GPC5: variants seen among roughly 807,000 people sequenced by gnomAD.
GPC5 encodes glypican-5.
A neutral mutation model predicts 53.9 loss-of-function variants in GPC5; 47 were observed. The ratio of observed to expected loss-of-function variants is 0.87; its 90% CI spans 0.69 to 1.11. The LOEUF is 1.11. Ranked by LOEUF, GPC5 falls within the 50% of genes most tolerant of loss-of-function variation. The pLI is 0.00. For synonymous variants in GPC5, 286 were observed against 263.3 expected (o/e 1.09, Z -0.84); for missense variants, 748 against 713.1 (o/e 1.05, Z -0.56).
chr13:91,750,262 C>T (rs2037142282), intron 4 of GPC5, among the ~76,000 whole-genome samples: 2 of 152,138 alleles, frequency 1.3e-5, no homozygotes, highest in Admixed American at 1.3e-4. Flanking sequence ...AGATGAGCAA[C>T]ATTTTTCTAT....
chr13:91,573,215 A>G (rs78344489), intron 2 of GPC5, among the ~76,000 whole-genome samples: 10,148 of 152,246 alleles, frequency 0.067, 379 homozygotes, highest in Non-Finnish European at 0.085. Flanking sequence ...TCATCTGGCA[A>G]TCATGAAGTA....
At chr13:91,533,010 TAA>T (rs376316927) in intron 2 of GPC5, among the ~76,000 whole-genome samples, 59 of 152,348 alleles carry the variant, frequency 3.9e-4, no homozygotes, top group African/African-American at 1.4e-3. Context: ...AAAGGATGTA[TAA>T]GTGTGTGGAT....
chr13:91,525,869 C>A (rs1240778632), intron 2 of GPC5, among the ~76,000 whole-genome samples: 2 of 152,186 alleles, frequency 1.3e-5, no homozygotes, highest in South Asian at 2.1e-4. Context: ...GTATAGTTTA[C>A]AATTTTATTA....
intron 6 of GPC5, among the ~76,000 whole-genome samples, chr13:91,972,756 G>T (rs1372056616): frequency 2.6e-5 from 4 of 152,206 alleles, no homozygotes; most frequent in East Asian, 1.9e-4. Flanking sequence ...GAAATTCTGG[G>T]TTGAAAATTC....
At chr13:92,821,747 A>G (rs1051267939) in intron 7 of GPC5, among the ~76,000 whole-genome samples, 1 of 152,162 alleles carries the variant, frequency 6.6e-6, no homozygotes, top group South Asian at 2.1e-4. Flanking sequence ...TTAAATAAAG[A>G]GTTCTATATA....
At chr13:92,260,850 G>C (rs1429957164) in intron 7 of GPC5, among the ~76,000 whole-genome samples, 1 of 152,080 alleles carries the variant, frequency 6.6e-6, no homozygotes, top group African/African-American at 2.4e-5. Context: ...GTTTTCTCTT[G>C]ACTTTAGATG....
At chr13:92,332,409 C>T (rs754935987) in intron 7 of GPC5, among the ~76,000 whole-genome samples, 173 of 152,204 alleles carry the variant, frequency 1.1e-3, no homozygotes, top group Non-Finnish European at 2.2e-3. Context: ...ATGTTAATTG[C>T]ATGGGATTTA....
At chr13:92,031,600 T>C (rs941680386) in intron 6 of GPC5, among the ~76,000 whole-genome samples, 3 of 143,742 alleles carry the variant, frequency 2.1e-5, no homozygotes, top group African/African-American at 7.7e-5. Flanking sequence ...TAAGGAACAA[T>C]TTGCAATTGC....
At chr13:91,524,893 T>C (rs1452643317) in intron 2 of GPC5, among the ~76,000 whole-genome samples, 1 of 152,230 alleles carries the variant, frequency 6.6e-6, no homozygotes, top group Non-Finnish European at 1.5e-5. Context: ...TGAAATTACA[T>C]GCAAGGCTAC....
intron 6 of GPC5, among the ~76,000 whole-genome samples, chr13:91,943,881 G>GA (rs879843330): frequency 3.3e-5 from 5 of 150,268 alleles, no homozygotes; most frequent in Admixed American, 6.6e-5. Context: ...TTTTTTTTAA[G>GA]AAAAAAAAGA....
chr13:91,866,702 C>T (rs1037360695), intron 5 of GPC5, among the ~76,000 whole-genome samples: 3 of 152,158 alleles, frequency 2.0e-5, no homozygotes, highest in African/African-American at 7.2e-5. Context: ...CCAGGTATTC[C>T]TTTATAGCAA....
At chr13:92,789,921 G>A (rs187087599) in intron 7 of GPC5, among the ~76,000 whole-genome samples, 1 of 152,254 alleles carries the variant, frequency 6.6e-6, no homozygotes, top group Non-Finnish European at 1.5e-5. Context: ...GCAGCCTTCA[G>A]TCTATGGCCA....
intron 6 of GPC5, among the ~76,000 whole-genome samples, chr13:92,015,379 G>A (rs1304943288): frequency 6.6e-6 from 1 of 152,106 alleles, no homozygotes; most frequent in Non-Finnish European, 1.5e-5. Flanking sequence ...ACACATTTTA[G>A]AGGACCATTT....
intron 7 of GPC5, among the ~76,000 whole-genome samples, chr13:92,290,611 C>G (rs140699386): frequency 0.025 from 3,855 of 152,322 alleles, 74 homozygotes; most frequent in Non-Finnish European, 0.039. Context: ...TGAGTTACTT[C>G]ACTTAGAATG....
intron 2 of GPC5, among the ~76,000 whole-genome samples, chr13:91,570,281 A>G (rs923684047): frequency 1.2e-4 from 18 of 152,198 alleles, no homozygotes; most frequent in Non-Finnish European, 2.1e-4. Flanking sequence ...CAGGTTGAAC[A>G]TCCCAGATCC....
intron 7 of GPC5, among the ~76,000 whole-genome samples, chr13:92,853,117 A>G (rs1878870583): frequency 6.6e-6 from 1 of 152,076 alleles, no homozygotes; most frequent in Non-Finnish European, 1.5e-5. Flanking sequence ...AAAAATGGTT[A>G]AATCTACAAG....
chr13:92,233,444 A>G (rs1022351127), intron 7 of GPC5, among the ~76,000 whole-genome samples: 2 of 152,200 alleles, frequency 1.3e-5, no homozygotes, highest in Non-Finnish European at 2.9e-5. Context: ...AAATCTGGAT[A>G]ATATTTTAAA....
chr13:92,613,279 A>G (rs9523728), intron 7 of GPC5, among the ~76,000 whole-genome samples: 4 of 123,590 alleles, frequency 3.2e-5, no homozygotes, highest in African/African-American at 1.2e-4. Context: ...AAATTATATA[A>G]TATATATTTT....
At chr13:91,540,499 G>A (rs1302415677) in intron 2 of GPC5, among the ~76,000 whole-genome samples, 2 of 152,186 alleles carry the variant, frequency 1.3e-5, no homozygotes, top group East Asian at 1.9e-4. Context: ...CCGATACAGG[G>A]TGTTTTTTGG....
Sources: allele counts gnomAD v4.1 joint callset (sites outside exome capture counted in the v4.1 genomes callset), GRCh38; gene constraint gnomAD v4.1.1; transcripts MANE v1.5; gene names NCBI Gene and HGNC (gene_info 2026-07-23, HGNC 2026-07-21).